PTPRO: variants seen among roughly 807,000 people sequenced by gnomAD.
PTPRO encodes the protein receptor-type tyrosine-protein phosphatase O.
Under a neutral mutation model 145.2 loss-of-function variants are expected in PTPRO, and 62 were observed. The ratio of observed to expected loss-of-function variants is 0.43; its 90% CI spans 0.35 to 0.53. The LOEUF is 0.53. Among genes scored for constraint, PTPRO ranks in the 20% least tolerant of loss-of-function variants. The pLI is 0.01. For synonymous variants in PTPRO, 565 were observed against 514.7 expected, an observed-to-expected ratio of 1.10 and a Z score of -1.32; for missense variants, 1,345 against 1,482.7, an observed-to-expected ratio of 0.91 and a Z score of 1.53.
chr12:15,537,259 G>A (rs532820524), intron 12 of PTPRO, among the ~76,000 whole-genome samples: 2 of 152,272 alleles, frequency 1.3e-5, no homozygotes, highest in East Asian at 3.9e-4. Context: ...ATAAATTTGA[G>A]TGTAGGCAGG....
At chr12:15,323,610 G>A (rs1019370193) in intron 1 of PTPRO, among the ~76,000 whole-genome samples, 1 of 152,160 alleles carries the variant, frequency 6.6e-6, no homozygotes, top group Non-Finnish European at 1.5e-5. Context: ...CTTGGACGGC[G>A]ATGTGAAGTT....
rs191330166 is a variant in PTPRO, at chr12:15,560,942, T to C, written c.2711+666T>C. ...TCTGTAAAGAGCAGACTCCTTTAAT[T>C]TCTTATTTTCTTAACTTCTGGATCA... On this transcript the variant is annotated intron_variant, in intron 17 of 26. Coordinates refer to ENST00000281171, the MANE Select transcript of PTPRO (RefSeq NM_030667.3). 1.3e-4 allele frequency among the ~76,000 whole-genome samples: 20 copies of C among 152,254 alleles called. No individual in the cohort carries two copies. In the East Asian group the frequency reaches 3.7e-3, roughly 28 times the overall value.
intron 1 of PTPRO, among the ~76,000 whole-genome samples, chr12:15,466,586 T>A (rs991453614): frequency 2.6e-5 from 4 of 152,216 alleles, no homozygotes; most frequent in African/African-American, 9.6e-5. Flanking sequence ...CCATCAAAAT[T>A]AAGCACATAG....
intron 15 of PTPRO, among the ~76,000 whole-genome samples, chr12:15,556,282 A>C (rs1014141152): frequency 6.6e-6 from 1 of 152,216 alleles, no homozygotes; most frequent in Admixed American, 6.5e-5. Context: ...TCAAAAGAAG[A>C]AAATTGTTCT....
At chr12:15,502,570 C>T (rs1942244168) in intron 5 of PTPRO, among the ~76,000 whole-genome samples, 1 of 152,148 alleles carries the variant, frequency 6.6e-6, no homozygotes, top group Non-Finnish European at 1.5e-5. Flanking sequence ...CTAGAAAAAG[C>T]ACCACAGTTT....
chr12:15,445,300 A>G (rs1030231208), intron 1 of PTPRO, among the ~76,000 whole-genome samples: 5 of 152,124 alleles, frequency 3.3e-5, no homozygotes, highest in Non-Finnish European at 5.9e-5. Context: ...ATTAGGACTC[A>G]TTGAAATGGA....
chr12:15,348,058 C>G (rs1937650385), intron 1 of PTPRO, among the ~76,000 whole-genome samples: 1 of 152,052 alleles, frequency 6.6e-6, no homozygotes, highest in Non-Finnish European at 1.5e-5. Flanking sequence ...ATGACCATAC[C>G]CTAACCCTAA....
intron 23 of PTPRO, among the ~76,000 whole-genome samples, chr12:15,586,070 A>G (rs1329170801): frequency 6.6e-6 from 1 of 152,238 alleles, no homozygotes; most frequent in African/African-American, 2.4e-5. Flanking sequence ...ACACATGATT[A>G]CACTTAATTC....
At chr12:15,562,543 CTCTT>C (rs1943800211) in intron 17 of PTPRO, among the ~76,000 whole-genome samples, 1 of 152,120 alleles carries the variant, frequency 6.6e-6, no homozygotes, top group Non-Finnish European at 1.5e-5. Flanking sequence ...AATCAAAAAA[CTCTT>C]TCTCTCTCTC....
intron 9 of PTPRO, among the ~76,000 whole-genome samples, chr12:15,517,780 T>G (rs1942629944): frequency 6.6e-6 from 1 of 152,232 alleles, no homozygotes; most frequent in Admixed American, 6.5e-5. Flanking sequence ...GTCATGCTGA[T>G]GCAAGAGGTG....
chr12:15,458,369 G>T (rs1297120277), intron 1 of PTPRO, among the ~76,000 whole-genome samples: 3 of 151,876 alleles, frequency 2.0e-5, no homozygotes, highest in South Asian at 4.1e-4. Flanking sequence ...GAGCTCTTAG[G>T]CTTCCTTTTT....
At chr12:15,409,852 T>C (rs1487875636) in intron 1 of PTPRO, among the ~76,000 whole-genome samples, 1 of 152,196 alleles carries the variant, frequency 6.6e-6, no homozygotes, top group Non-Finnish European at 1.5e-5. Flanking sequence ...TCTACCCCCA[T>C]GACCCAATCA....
At chr12:15,586,066 G>A (rs1477803753) in intron 23 of PTPRO, among the ~76,000 whole-genome samples, 2 of 152,184 alleles carry the variant, frequency 1.3e-5, no homozygotes, top group African/African-American at 4.8e-5. Context: ...TCACACACAT[G>A]ATTACACTTA....
intron 1 of PTPRO, among the ~76,000 whole-genome samples, chr12:15,431,276 G>A (rs1462136623): frequency 6.6e-6 from 1 of 152,190 alleles, no homozygotes. Flanking sequence ...GTTTGAGAGA[G>A]GAGAACAGTG....
At chr12:15,373,870 G>C (rs1370182932) in intron 1 of PTPRO, among the ~76,000 whole-genome samples, 1 of 152,068 alleles carries the variant, frequency 6.6e-6, no homozygotes, top group Non-Finnish European at 1.5e-5. Flanking sequence ...GGCTTGTTTG[G>C]GATTTGGGCC....
chr12:15,372,931 G>T (rs1269478012), intron 1 of PTPRO, among the ~76,000 whole-genome samples: 1 of 152,052 alleles, frequency 6.6e-6, no homozygotes, highest in African/African-American at 2.4e-5. Flanking sequence ...GGTGTAGGCA[G>T]GTGGACCATC....
intron 1 of PTPRO, among the ~76,000 whole-genome samples, chr12:15,452,938 A>C (rs2136382114): frequency 6.6e-6 from 1 of 152,330 alleles, no homozygotes; most frequent in Non-Finnish European, 1.5e-5. Flanking sequence ...TTGGATATGG[A>C]AGCTGTTTCA....
chr12:15,394,264 G>C (rs1347146896), intron 1 of PTPRO, among the ~76,000 whole-genome samples: 1 of 152,126 alleles, frequency 6.6e-6, no homozygotes. Flanking sequence ...AGACTGTTTA[G>C]TGACAGAAAG....
At chr12:15,430,651 C>G (rs1940409954) in intron 1 of PTPRO, among the ~76,000 whole-genome samples, 1 of 152,076 alleles carries the variant, frequency 6.6e-6, no homozygotes, top group South Asian at 2.1e-4. Flanking sequence ...TTCAAGAGAT[C>G]TATTGTACAT....
Sources: gnomAD v4.1 joint callset for allele counts (sites outside exome capture counted in the v4.1 genomes callset) on GRCh38, gnomAD v4.1.1 for gene constraint, MANE v1.5 for transcripts, NCBI Gene and HGNC (gene_info 2026-07-23, HGNC 2026-07-21) for gene names.